GGA1: variants seen among roughly 807,000 people sequenced by gnomAD.
GGA1 encodes the protein golgi associated, gamma adaptin ear containing, ARF binding protein 1.
GGA1 carries 18 observed loss-of-function variants against 76.9 expected under a neutral mutation model. That is an observed-to-expected ratio of 0.23 (90% CI 0.16 to 0.35). The LOEUF is 0.35. GGA1 is among the 10% of genes least tolerant of loss of function. The pLI, the probability that GGA1 is intolerant of heterozygous loss-of-function variation, is 1.00. For synonymous variants in GGA1, 342 were observed against 354.7 expected, an observed-to-expected ratio of 0.96 and a Z score of 0.40; for missense variants, 755 against 859.0, an observed-to-expected ratio of 0.88 and a Z score of 1.51.
chr22:37,612,155 CA>C (rs894226449), intron 1 of GGA1, among the ~76,000 whole-genome samples: 3 of 147,290 alleles, frequency 2.0e-5, no homozygotes, highest in Admixed American at 1.4e-4. Context: ...GACTCTTTCT[CA>C]AAAAAAAATA....
At position 37,615,688 on chromosome 22, in the gene GGA1, C is replaced by T. The variant is rs371561222; in HGVS notation, c.129-1234C>T. Among the ~76,000 whole-genome samples, 8 of 151,798 alleles carry T rather than the reference C, an allele frequency of 5.3e-5. No homozygotes were observed. In the East Asian group the frequency reaches 1.6e-3, roughly 30 times the overall value. On this transcript the variant is annotated intron_variant, in intron 2 of 16. Coordinates refer to ENST00000343632, the MANE Select transcript of GGA1 (RefSeq NM_013365.5). ...CTGAGGCAGGAGAATCGCTTGAACC[C>T]GGGAGGCTGAGGTTGCAGTGAGCCA...
intron 2 of GGA1, among the ~76,000 whole-genome samples, chr22:37,616,283 G>A (rs1026728982): frequency 2.0e-5 from 3 of 152,136 alleles, no homozygotes; most frequent in Non-Finnish European, 2.9e-5. Flanking sequence ...GTGAGTGGTT[G>A]CCTCTGAGTG....
chr22:37,619,151 C>T (rs1435927770), intron 4 of GGA1, among the ~76,000 whole-genome samples: 2 of 152,176 alleles, frequency 1.3e-5, no homozygotes, highest in Non-Finnish European at 1.5e-5. Flanking sequence ...CCACAACCTC[C>T]ACCTCCTGGG....
rs780374510 is a variant in GGA1, at chr22:37,631,059, A to C, written c.1488A>C (p.Ser496=). Reference sequence around the variant, plus strand: ...AGCAGCCCGTACCAACCGAGCTCTCACTGGCCAGCATCACTGTGCCCCTGG... The same window carrying C: ...AGCAGCCCGTACCAACCGAGCTCTCCCTGGCCAGCATCACTGTGCCCCTGG... The part of the protein sequence containing the change: ...PPQQPVPTEL[S]LASITVPLES... Residue 496 remains serine, a synonymous_variant, in exon 14 of 17, where the codon TCA becomes TCC. Coordinates refer to ENST00000343632, the MANE Select transcript of GGA1 (RefSeq NM_013365.5). 6.2e-7 allele frequency: 1 copy of C among 1,607,478 alleles called. No individual in the cohort carries two copies. The highest frequency in any genetic ancestry group is 1.1e-5 in the South Asian group (1 of 90,314).
At chr22:37,626,420 C>T (rs1189361113) in intron 11 of GGA1, 1 of 152,284 alleles carries the variant, frequency 6.6e-6, no homozygotes, top group Non-Finnish European at 1.5e-5. Context: ...TGCTGTTACT[C>T]CCGGGCAGGC....
At chr22:37,612,228 G>T (rs1164570237) in intron 1 of GGA1, among the ~76,000 whole-genome samples, 2 of 151,856 alleles carry the variant, frequency 1.3e-5, no homozygotes, top group Non-Finnish European at 2.9e-5. Flanking sequence ...ACTTTGGGAG[G>T]CCGAGGCAGG....
At position 37,632,174 on chromosome 22, in the gene GGA1, C is replaced by T; in HGVS notation, c.1698+9C>T. 8.7e-6 allele frequency: 14 copies of T among 1,605,254 alleles called. No homozygotes were observed. The highest frequency in any genetic ancestry group is 1.2e-5 in the Non-Finnish European group (14 of 1,173,432). ...AGTCAGCTGTCCCCAAGGTGACAAG[C>T]CAGTCGGACAGGGCATGCCTCCCTC... On this transcript the variant is annotated intron_variant, in intron 15 of 16. Transcript: ENST00000343632. The surrounding 1 kb of genome is among the most constrained non-coding windows in gnomAD (Gnocchi z 5.1).
At chr22:37,617,524 C>A in intron 3 of GGA1, 1 of 989,968 alleles carries the variant, frequency 1.0e-6, no homozygotes, top group Non-Finnish European at 1.2e-6. Context: ...GGTAGAGATA[C>A]AGTTTCTCTT....
At chr22:37,609,544 C>G (rs1008299610) in intron 1 of GGA1, among the ~76,000 whole-genome samples, 1 of 152,180 alleles carries the variant, frequency 6.6e-6, no homozygotes, top group African/African-American at 2.4e-5. Context: ...TCAGCCTAAC[C>G]CCTCAGTCTC....
In GGA1 at chr22:37,623,989, C is replaced by T; in HGVS notation, c.832+356C>T. The T allele has an allele frequency of 3.9e-6, 1 of 259,198 alleles. No homozygotes were observed. Among genetic ancestry groups the T allele is most frequent in the South Asian group, 4.6e-5 (1 of 21,954 alleles). 16.1% of individuals were successfully genotyped at this position (259,198 alleles called of 1,614,324 possible). ...GGGGAGACGGAGGGCCATCTGCCCCCAGACCTTCCTCCCTAATGAGGGTGA... is the reference window on the plus strand; with the variant it reads ...GGGGAGACGGAGGGCCATCTGCCCCTAGACCTTCCTCCCTAATGAGGGTGA... On this transcript the variant is annotated intron_variant, in intron 9 of 16. Transcript: ENST00000343632. This position sits in a 1 kb window ranked among gnomAD's most constrained non-coding sequence, Gnocchi z 4.6.
intron 1 of GGA1, chr22:37,609,202 C>T (rs760749584): frequency 1.1e-5 from 14 of 1,322,654 alleles, no homozygotes; most frequent in South Asian, 1.5e-5. Flanking sequence ...GCCTCCAACC[C>T]CCAAGGCTCA....
chr22:37,630,158 A>T lies in GGA1; in HGVS notation c.1319A>T (p.Gln440Leu). 6.3e-7 allele frequency: 1 copy of T among 1,587,252 alleles called. No individual in the cohort carries two copies. The highest frequency in any genetic ancestry group is 2.3e-5 in the East Asian group (1 of 43,000). ...CAGCAGTCGCTGCCCCCGGAATCCCAGCAAGTGCGGTGGTGAGGGCCCACC... is the reference window on the plus strand; with the variant it reads ...CAGCAGTCGCTGCCCCCGGAATCCCTGCAAGTGCGGTGGTGAGGGCCCACC... ...LLQQSLPPES[Q>L]QVRWEKQQPT... Residue 440 changes from glutamine to leucine, a missense_variant, in exon 13 of 17, where the codon CAG becomes CTG. Transcript: ENST00000343632.
rs970147040 is a variant in GGA1, at chr22:37,614,508, A to C, written c.128+234A>C. 3.3e-4 allele frequency among the ~76,000 whole-genome samples: 50 copies of C among 152,336 alleles called. 1 individual carries two copies. The highest frequency in any genetic ancestry group is 1.2e-3 in the African/African-American group (50 of 41,570). ...GCTCAGAGGACTCAGATCTGCCCCC[A>C]CATCTCACAGGGAGAAAATGCTAGT... On this transcript the variant is annotated intron_variant, in intron 2 of 16. Coordinates refer to ENST00000343632, the MANE Select transcript of GGA1 (RefSeq NM_013365.5).
chr22:37,613,972 C>A, intron 1 of GGA1: 1 of 536,082 alleles, frequency 1.9e-6, no homozygotes. Context: ...ACCATAGTCT[C>A]TAAAAGTGGG....
chr22:37,618,859 G>T (rs934475074), intron 4 of GGA1, among the ~76,000 whole-genome samples: 1 of 152,170 alleles, frequency 6.6e-6, no homozygotes, highest in African/African-American at 2.4e-5. Flanking sequence ...GTATGTGTCA[G>T]CCATCTCTGG....
At chr22:37,609,084 G>A in intron 1 of GGA1, 181 bp downstream of exon 1, 1 of 1,490,336 alleles carries the variant, frequency 6.7e-7, no homozygotes. Flanking sequence ...CCCGGCCCCG[G>A]CGCGGTCCAG....
At chr22:37,620,447 T>C in intron 5 of GGA1, 86 bp downstream of exon 5, 1 of 1,437,704 alleles carries the variant, frequency 7.0e-7, no homozygotes, top group Non-Finnish European at 9.7e-7. Flanking sequence ...TTCAGGGGCT[T>C]CTGAGCCAGC....
At position 37,632,611 on chromosome 22, in the gene GGA1, G is replaced by A. The variant is rs200530152; in HGVS notation, c.1820G>A (p.Arg607His). 1.2e-5 allele frequency: 19 copies of A among 1,612,144 alleles called. No homozygotes were observed. The highest frequency in any genetic ancestry group is 4.0e-5 in the African/African-American group (3 of 74,998). The part of the protein sequence containing the change: ...LLANPQKEKV[R>H]LRYKLTFTMG... ...CCATCTCTTCCCCAGGAGAAGGTTC[G>A]CCTCCGCTACAAGCTCACCTTCACC... Residue 607 changes from arginine (R) to histidine (H), a missense_variant, in exon 17 of 17, where the codon CGC (arginine) becomes CAC (histidine). Transcript: ENST00000343632. This position sits in a 1 kb window ranked among gnomAD's most constrained non-coding sequence, Gnocchi z 5.1.
At chr22:37,630,843 C>G in intron 13 of GGA1, 60 bp from the exon 14 acceptor site, 2 of 1,226,376 alleles carry the variant, frequency 1.6e-6, no homozygotes, top group Admixed American at 4.0e-5. Context: ...GTTGGAATTA[C>G]AGGGGTGAGC....
Sources: allele counts gnomAD v4.1 joint callset (sites outside exome capture counted in the v4.1 genomes callset), GRCh38; gene constraint gnomAD v4.1.1; non-coding constraint Gnocchi (gnomAD v3.1); transcripts MANE v1.5; gene names NCBI Gene and HGNC (gene_info 2026-07-23, HGNC 2026-07-21).